Variants in TCAF1 observed in about 807,000 individuals in gnomAD.
TCAF1 encodes the protein TRPM8 channel associated factor 1, also known as TRPM8 channel-associated factor 1.
Under a neutral mutation model 27.3 loss-of-function variants are expected in TCAF1, and 4 were observed. The ratio of observed to expected loss-of-function variants is 0.15; its 90% CI spans 0.07 to 0.34. TCAF1 has a LOEUF of 0.34. Among genes scored for constraint, TCAF1 ranks in the 10% least tolerant of loss-of-function variants. The pLI, the probability that TCAF1 is intolerant of heterozygous loss-of-function variation, is 1.00. For synonymous variants in TCAF1, 105 were observed against 167.1 expected, an observed-to-expected ratio of 0.63 and a Z score of 2.87; for missense variants, 257 against 425.8, an observed-to-expected ratio of 0.60 and a Z score of 3.49.
intron 2 of TCAF1, among the ~76,000 whole-genome samples, chr7:143,875,584 A>G (rs1448180678): frequency 6.6e-6 from 1 of 152,042 alleles, no homozygotes. Context: ...ACATTTCAAA[A>G]CCTTCCCCAC....
At chr7:143,882,477 T>G in intron 1 of TCAF1, 1 of 985,146 alleles carries the variant, frequency 1.0e-6, no homozygotes, top group Non-Finnish European at 1.2e-6. Context: ...TGTCAGAACC[T>G]GGAGAGGAGG....
At position 143,883,591 on chromosome 7, in the gene TCAF1, C is replaced by T. The variant is rs1186576712; in HGVS notation, c.-14-6969G>A. Among the ~76,000 whole-genome samples, 6 of 147,792 alleles carry T rather than the reference C, an allele frequency of 4.1e-5. No individual in the cohort carries two copies. The Admixed American group carries it at 4.1e-4, about 10-fold the overall frequency. On this transcript the variant is annotated intron_variant, in intron 1 of 8. Transcript: ENST00000479870. ...CGCGATCTCGGCTCACTGCAACCTC[C>T]GCCTCCCGAGTTCAAGAGATTCTCC...
intron 6 of TCAF1, among the ~76,000 whole-genome samples, chr7:143,859,923 T>C (rs1167341875): frequency 1.3e-5 from 1 of 74,796 alleles, no homozygotes; most frequent in African/African-American, 5.3e-5. Context: ...ACGGAATATA[T>C]ATTATATAAT....
intron 1 of TCAF1, among the ~76,000 whole-genome samples, chr7:143,900,455 A>G (rs1230230873): frequency 1.3e-5 from 2 of 152,114 alleles, no homozygotes; most frequent in Non-Finnish European, 2.9e-5. Flanking sequence ...TGATGTGTAC[A>G]GCCAGGGTCA....
intron 1 of TCAF1, among the ~76,000 whole-genome samples, chr7:143,876,883 G>A (rs1186064563): frequency 6.6e-6 from 1 of 152,142 alleles, no homozygotes; most frequent in Non-Finnish European, 1.5e-5. Context: ...ATGAAAGAAT[G>A]AGCAAGGAAT....
intron 1 of TCAF1, among the ~76,000 whole-genome samples, chr7:143,890,804 T>C (rs1173740203): frequency 6.6e-6 from 1 of 152,194 alleles, no homozygotes; most frequent in Non-Finnish European, 1.5e-5. Flanking sequence ...TCTAAAATTT[T>C]ATATATGAAT....
At position 143,851,488 on chromosome 7, in the gene TCAF1, T is replaced by G. The variant is rs2116653125; in HGVS notation, c.*2645A>C. The G allele has an allele frequency of 6.6e-6, 1 of 152,386 alleles. No individual in the cohort carries two copies. The highest frequency in any genetic ancestry group is 2.1e-4 in the South Asian group (1 of 4,832). 9.4% of individuals were successfully genotyped at this position (152,386 alleles called of 1,614,324 possible). ...AAAAACACAGTTTCCCATCCCACCC[T>G]TTTTAAATCTAAATCCCATTCCCTA... is the stretch of plus-strand genomic sequence containing the variant. On this transcript the variant is annotated 3_prime_UTR_variant, in exon 9 of 9. Coordinates refer to ENST00000479870, the MANE Select transcript of TCAF1 (RefSeq NM_014719.3).
At chr7:143,875,260 C>T (rs1812629944) in intron 2 of TCAF1, among the ~76,000 whole-genome samples, 1 of 152,168 alleles carries the variant, frequency 6.6e-6, no homozygotes, top group Non-Finnish European at 1.5e-5. Flanking sequence ...ACTAATCCAG[C>T]TTATAATCCC....
intron 1 of TCAF1, among the ~76,000 whole-genome samples, chr7:143,899,037 G>A (rs1814007996): frequency 6.6e-6 from 1 of 152,148 alleles, no homozygotes; most frequent in African/African-American, 2.4e-5. Context: ...GGACTTCCCA[G>A]CCTCCAGAAC....
At chr7:143,889,729 T>G (rs1463661961) in intron 1 of TCAF1, among the ~76,000 whole-genome samples, 1 of 152,212 alleles carries the variant, frequency 6.6e-6, no homozygotes, top group Non-Finnish European at 1.5e-5. Context: ...CTTGTTGACT[T>G]TCTGGAAGAC....
chr7:143,876,834 G>A (rs1812745404), intron 1 of TCAF1, among the ~76,000 whole-genome samples: 1 of 152,160 alleles, frequency 6.6e-6, no homozygotes, highest in South Asian at 2.1e-4. Flanking sequence ...CAAACTTAGA[G>A]AGCTTGATAC....
At chr7:143,889,674 GC>G (rs1337845501) in intron 1 of TCAF1, among the ~76,000 whole-genome samples, 1 of 152,184 alleles carries the variant, frequency 6.6e-6, no homozygotes, top group African/African-American at 2.4e-5. Context: ...TGGGTCAAAA[GC>G]AAAGGCCATG....
At position 143,851,409 on chromosome 7, in the gene TCAF1, A is replaced by G. The variant is rs1811276565; in HGVS notation, c.*2724T>C. On this transcript the variant is annotated 3_prime_UTR_variant, in exon 9 of 9. Transcript: ENST00000479870. The stretch of plus-strand genomic sequence containing the variant: ...ATTTGGGTTTATTAAAAATTTTTTC[A>G]AAGTAATACATGCACAAGGTAAAAA... 1 of 152,308 alleles carries G rather than the reference A, an allele frequency of 6.6e-6. No homozygotes were observed. Among genetic ancestry groups the G allele is most frequent in the South Asian group, 2.1e-4 (1 of 4,838 alleles). 9.4% of individuals were successfully genotyped at this position (152,308 alleles called of 1,614,324 possible). A position where few individuals can be genotyped will look rare whatever the true frequency, so the allele number is the denominator to read the frequency against.
chr7:143,884,970 A>T (rs1028409484), intron 1 of TCAF1: 5 of 985,080 alleles, frequency 5.1e-6, no homozygotes, highest in Non-Finnish European at 4.8e-6. Flanking sequence ...AAGCGCAGGC[A>T]ACCCTTTTTG....
At chr7:143,893,439 A>G (rs886560164) in intron 1 of TCAF1, among the ~76,000 whole-genome samples, 1 of 152,136 alleles carries the variant, frequency 6.6e-6, no homozygotes, top group Non-Finnish European at 1.5e-5. Flanking sequence ...CATATGGTAC[A>G]TATACACCTA....
At position 143,883,506 on chromosome 7, in the gene TCAF1, T is replaced by C. The variant is rs200785055; in HGVS notation, c.-14-6884A>G. ...ATTTCTTTCTTTCCTTTTTCTTTTT[T>C]TTTTTTTTTTTTTTTTTGAGACGGA... On this transcript the variant is annotated intron_variant, in intron 1 of 8. Coordinates refer to ENST00000479870, the MANE Select transcript of TCAF1 (RefSeq NM_014719.3). Among the ~76,000 whole-genome samples the C allele has an allele frequency of 9.9e-3, 1,018 of 103,156 alleles. 6 individuals are homozygous for C. The highest frequency in any genetic ancestry group is 0.023 in the African/African-American group (619 of 26,892). 67.7% of individuals were successfully genotyped at this position (103,156 alleles called of 152,430 possible). A position where few individuals can be genotyped will look rare whatever the true frequency, so the allele number is the denominator to read the frequency against.
At chr7:143,888,211 CA>C (rs1158750830) in intron 1 of TCAF1, among the ~76,000 whole-genome samples, 1 of 152,094 alleles carries the variant, frequency 6.6e-6, no homozygotes, top group Non-Finnish European at 1.5e-5. Flanking sequence ...ATAAATTCAT[CA>C]ATGAAATGAT....
At chr7:143,889,973 A>T (rs1447552742) in intron 1 of TCAF1, among the ~76,000 whole-genome samples, 2 of 151,940 alleles carry the variant, frequency 1.3e-5, no homozygotes, top group African/African-American at 4.8e-5. Flanking sequence ...ATCTCAAAAA[A>T]TCTGTGAAGG....
At chr7:143,886,757 G>C (rs1005570789) in intron 1 of TCAF1, among the ~76,000 whole-genome samples, 1 of 141,940 alleles carries the variant, frequency 7.0e-6, no homozygotes, top group African/African-American at 2.7e-5. Flanking sequence ...GCAGTGGAGC[G>C]AGGCTCACTG....
Sources: allele counts gnomAD v4.1 joint callset (sites outside exome capture counted in the v4.1 genomes callset), GRCh38; gene constraint gnomAD v4.1.1; transcripts MANE v1.5; gene names NCBI Gene and HGNC (gene_info 2026-07-23, HGNC 2026-07-21).